Variants in UBE2D3 observed in about 807,000 individuals in gnomAD.
The protein encoded by UBE2D3 is ubiquitin-conjugating enzyme E2 D3.
A neutral mutation model predicts 22.8 loss-of-function variants in UBE2D3; 2 were observed. That is an observed-to-expected ratio of 0.09 (90% CI 0.04 to 0.28). UBE2D3 has a LOEUF of 0.28. Ranked by LOEUF, UBE2D3 falls within the 10% of genes least tolerant of loss-of-function variation. The probability of loss-of-function intolerance (pLI) is 1.00; values close to 1 mark genes in which losing one functional copy is unlikely to be tolerated. For missense variants in UBE2D3, 27 were observed against 182.5 expected, an observed-to-expected ratio of 0.15 and a Z score of 4.91; for synonymous variants, 56 against 60.4, an observed-to-expected ratio of 0.93 and a Z score of 0.34.
chr4:102,851,656 T>C (rs987482812), intron 1 of UBE2D3, among the ~76,000 whole-genome samples: 14 of 141,234 alleles, frequency 9.9e-5, no homozygotes, highest in Non-Finnish European at 2.1e-4. Flanking sequence ...TTTTTTTTTG[T>C]TTTGTTTTGT....
At chr4:102,848,785 C>T (rs115201726) in intron 1 of UBE2D3, among the ~76,000 whole-genome samples, 2,355 of 152,058 alleles carry the variant, frequency 0.015, 56 homozygotes, top group African/African-American at 0.051. Flanking sequence ...CACCACTGCA[C>T]TCCATTCTGG....
In UBE2D3 at chr4:102,799,380, T is replaced by G. The variant is rs1401071449; in HGVS notation, c.398+27A>C. On this transcript the variant is annotated intron_variant, in intron 7 of 7. Transcript: ENST00000453744. ...GCCTAACTCATTAAGTAAAACCACT[T>G]TTATAATAACTTTTTAACATACTTA... The G allele has an allele frequency of 2.5e-6, 4 of 1,594,924 alleles. No homozygotes were observed. The South Asian group carries it at 4.4e-5, about 18-fold the overall frequency.
upstream of UBE2D3, among the ~76,000 whole-genome samples, chr4:102,828,903 GT>G (rs529201629): frequency 6.6e-5 from 10 of 152,246 alleles, no homozygotes; most frequent in East Asian, 1.9e-3. Context: ...CCAGCTTAAG[GT>G]TTTTTAACAT....
intron 4 of UBE2D3, among the ~76,000 whole-genome samples, chr4:102,802,850 A>G (rs1726418679): frequency 6.6e-6 from 1 of 152,210 alleles, no homozygotes; most frequent in Admixed American, 6.5e-5. Context: ...GTCATTTTAC[A>G]CGTCACCAAA....
chr4:102,805,459 G>GCCTCAA (rs1726877826), intron 4 of UBE2D3, among the ~76,000 whole-genome samples: 1 of 150,962 alleles, frequency 6.6e-6, no homozygotes, highest in Non-Finnish European at 1.5e-5. Context: ...CCCTCACAGT[G>GCCTCAA]CCTCAGCTCT....
At chr4:102,843,493 G>A (rs1560886852) in intron 1 of UBE2D3, 5 of 152,104 alleles carry the variant, frequency 3.3e-5, no homozygotes. Flanking sequence ...CTGGAACCAT[G>A]AATGAGCAGG....
At chr4:102,807,972 G>A (rs1727331673) in intron 4 of UBE2D3, among the ~76,000 whole-genome samples, 1 of 152,182 alleles carries the variant, frequency 6.6e-6, no homozygotes, top group African/African-American at 2.4e-5. Context: ...CAACGCTTCT[G>A]TGCTTTCTTA....
At chr4:102,827,633 G>C (rs1560876446), upstream of UBE2D3, 3 of 986,696 alleles carry the variant, frequency 3.0e-6, no homozygotes, top group Admixed American at 6.1e-5. Context: ...CCGCCGTCCC[G>C]AGCACAAGAC....
upstream of UBE2D3, among the ~76,000 whole-genome samples, chr4:102,829,518 C>T (rs1013752179): frequency 6.6e-6 from 1 of 152,166 alleles, no homozygotes; most frequent in African/African-American, 2.4e-5. Context: ...TAATGACTGT[C>T]CTTTCTCACA....
At chr4:102,840,715 G>C (rs922047309) in intron 1 of UBE2D3, among the ~76,000 whole-genome samples, 6 of 152,190 alleles carry the variant, frequency 3.9e-5, no homozygotes, top group Non-Finnish European at 7.3e-5. Flanking sequence ...GTAGCTAGGA[G>C]AGAAGACTTG....
Position 102,799,012 on chromosome 4 carries a change from C to G in UBE2D3, c.398+395G>C, listed in dbSNP as rs1016134960. On this transcript the variant is annotated intron_variant, in intron 7 of 7. Coordinates refer to ENST00000453744, the MANE Select transcript of UBE2D3 (RefSeq NM_181891.3). Reference sequence around the variant, plus strand: ...CAAGTACACTTAGCATTAATTATAACATATGAAAGTTATAATGGTTAAGTT... The same window carrying G: ...CAAGTACACTTAGCATTAATTATAAGATATGAAAGTTATAATGGTTAAGTT... 42 of 1,580,724 alleles carry G rather than the reference C, an allele frequency of 2.7e-5. 1 individual carries two copies. Among genetic ancestry groups the G allele is most frequent in the Middle Eastern group, 1.7e-4 (1 of 5,998 alleles).
At chr4:102,866,431 A>G (rs1446646791) in intron 1 of UBE2D3, among the ~76,000 whole-genome samples, 2 of 152,116 alleles carry the variant, frequency 1.3e-5, no homozygotes, top group African/African-American at 2.4e-5. Flanking sequence ...AATAGTAGTA[A>G]TGGTGGTGGA....
In UBE2D3 at chr4:102,809,661, T is replaced by C; in HGVS notation, c.120+11A>G. 7 of 1,594,976 alleles carry C rather than the reference T, an allele frequency of 4.4e-6. No homozygotes were observed. Among genetic ancestry groups the C allele is most frequent in the Non-Finnish European group, 6.0e-6 (7 of 1,173,768 alleles). On this transcript the variant is annotated intron_variant, in intron 4 of 7. Transcript: ENST00000453744. ...CACTTAAAACTAAATTTAAAAATTC[T>C]TAATACTTACAGGTCCCATAATTGT...
intron 2 of UBE2D3, chr4:102,810,872 TA>T (rs1727860248): frequency 6.6e-6 from 1 of 151,790 alleles, no homozygotes; most frequent in South Asian, 2.1e-4. Flanking sequence ...AAAAAGACAA[TA>T]AATAGAACCA....
chr4:102,838,538 G>A (rs985126410), intron 1 of UBE2D3, among the ~76,000 whole-genome samples: 3 of 152,062 alleles, frequency 2.0e-5, no homozygotes, highest in African/African-American at 4.8e-5. Context: ...ATGAATAATC[G>A]AGGCATCAGT....
chr4:102,851,466 T>G (rs956619261), intron 1 of UBE2D3, among the ~76,000 whole-genome samples: 6 of 152,202 alleles, frequency 3.9e-5, no homozygotes. Flanking sequence ...TGAGAGAGAA[T>G]AAATCATGTT....
intron 7 of UBE2D3, among the ~76,000 whole-genome samples, chr4:102,797,988 G>A (rs1374360037): frequency 1.3e-5 from 2 of 151,736 alleles, no homozygotes; most frequent in East Asian, 3.9e-4. Context: ...TGGGCAGAAT[G>A]ACAAAGGGCA....
At position 102,819,056 on chromosome 4, in the gene UBE2D3, C is replaced by T. The variant is rs747010996; in HGVS notation, c.24+7429G>A. Among the ~76,000 whole-genome samples, 34 of 152,254 alleles carry T rather than the reference C, an allele frequency of 2.2e-4. 1 individual carries two copies. The highest frequency in any genetic ancestry group is 7.2e-4 in the African/African-American group (30 of 41,538). ...TAAGAATGTCCCCTCCCTTGCTGGG[C>T]GTGGTGGCTCACGCTTGTAATCCTA... On this transcript the variant is annotated intron_variant, in intron 2 of 7. Coordinates refer to ENST00000453744, the MANE Select transcript of UBE2D3 (RefSeq NM_181891.3).
At chr4:102,843,358 T>A (rs1037156351) in intron 1 of UBE2D3, 3 of 152,046 alleles carry the variant, frequency 2.0e-5, no homozygotes, top group Non-Finnish European at 4.4e-5. Flanking sequence ...CTGGAAGAGA[T>A]GTAACACCTG....
Sources: gnomAD v4.1 joint callset for allele counts (sites outside exome capture counted in the v4.1 genomes callset) on GRCh38, gnomAD v4.1.1 for gene constraint, MANE v1.5 for transcripts, NCBI Gene and HGNC (gene_info 2026-07-23, HGNC 2026-07-21) for gene names.